The following ERH variants were observed in gnomAD, a reference collection of about 807,000 sequenced individuals.
The protein encoded by ERH is ERH mRNA splicing and mitosis factor.
Under a neutral mutation model 16.8 loss-of-function variants are expected in ERH, and 1 was observed. That is an observed-to-expected ratio of 0.06 (90% CI 0.02 to 0.28). The LOEUF is 0.28. Among genes scored for constraint, ERH ranks in the 10% least tolerant of loss-of-function variants. The probability of loss-of-function intolerance (pLI) is 1.00; values close to 1 mark genes in which losing one functional copy is unlikely to be tolerated. For synonymous variants in ERH, 43 were observed against 43.6 expected, an observed-to-expected ratio of 0.99 and a Z score of 0.05; for missense variants, 42 against 127.5, an observed-to-expected ratio of 0.33 and a Z score of 3.23.
At chr14:69,390,087 T>C (rs982689774) in intron 2 of ERH, among the ~76,000 whole-genome samples, 1 of 152,146 alleles carries the variant, frequency 6.6e-6, no homozygotes, top group Middle Eastern at 3.2e-3. Context: ...CCATGCTTAA[T>C]AAATGGAAAG....
At chr14:69,380,723 G>A (rs1484941395) in intron 3 of ERH, 83 bp from the exon 4 acceptor site, 2 of 728,650 alleles carry the variant, frequency 2.7e-6, no homozygotes, top group Admixed American at 2.2e-5. Context: ...ACTGCCCAAT[G>A]ATGGCATAGA....
At position 69,380,183 on chromosome 14, in the gene ERH, T is replaced by G. The variant is rs950653191; in HGVS notation, c.*355A>C. 5 of 180,312 alleles carry G rather than the reference T, an allele frequency of 2.8e-5. No individual in the cohort carries two copies. The highest frequency in any genetic ancestry group is 4.7e-5 in the African/African-American group (2 of 42,546). 11.2% of individuals were successfully genotyped at this position (180,312 alleles called of 1,614,324 possible). On this transcript the variant is annotated 3_prime_UTR_variant, in exon 4 of 4. Transcript: ENST00000557016. ...CAAGACTTTATCTTGAGGACATGGC[T>G]AAACTGCATTTCCACCCCCCACCCC...
intron 1 of ERH, among the ~76,000 whole-genome samples, chr14:69,396,054 G>T (rs962471175): frequency 6.6e-6 from 1 of 152,192 alleles, no homozygotes; most frequent in Non-Finnish European, 1.5e-5. Flanking sequence ...ATCCAGCTGA[G>T]AATTCACTGG....
Position 69,398,293 on chromosome 14 carries a change from C to A in ERH, c.-60G>T. 1 of 1,612,630 alleles carries A rather than the reference C, an allele frequency of 6.2e-7. No homozygotes were observed. Among genetic ancestry groups the A allele is most frequent in the Non-Finnish European group, 8.5e-7 (1 of 1,179,366 alleles). On this transcript the variant is annotated 5_prime_UTR_variant, in exon 1 of 4. Transcript: ENST00000557016. ...CACCGCCGCCGTTACACGAGCTTAA[C>A]TACAACGCCGCTAACAGCCAATCCT...
intron 2 of ERH, among the ~76,000 whole-genome samples, chr14:69,389,218 G>C (rs1402586182): frequency 6.6e-6 from 1 of 152,076 alleles, no homozygotes; most frequent in Non-Finnish European, 1.5e-5. Flanking sequence ...GTAGAGACGG[G>C]GTTTTGCGAT....
chr14:69,394,744 T>C lies in ERH; in HGVS notation c.91+81A>G, dbSNP rs543091836. 1.0e-4 allele frequency: 97 copies of C among 973,212 alleles called. 1 individual carries two copies. The highest frequency in any genetic ancestry group is 5.7e-4 in the Admixed American group (25 of 43,874). 60.3% of individuals were successfully genotyped at this position (973,212 alleles called of 1,614,324 possible). On this transcript the variant is annotated intron_variant, in intron 2 of 3. Transcript: ENST00000557016. ...GGCAGGGCCTGGGGTGGATGGACTA[T>C]TAAAAAAAAAAAATTTGGAGGGGAA...
chr14:69,387,172 TATC>T, intron 2 of ERH, 89 bp from the exon 3 acceptor site: 3 of 1,036,154 alleles, frequency 2.9e-6, no homozygotes, highest in South Asian at 1.8e-5. Flanking sequence ...TATATGTTGA[TATC>T]ATATTTACTT....
intron 3 of ERH, among the ~76,000 whole-genome samples, chr14:69,381,110 T>C (rs188713328): frequency 4.1e-4 from 63 of 152,234 alleles, no homozygotes; most frequent in African/African-American, 1.4e-3. Flanking sequence ...GGTGAAACCT[T>C]GTCTCTACTA....
chr14:69,389,183 C>T (rs1228858251), intron 2 of ERH, among the ~76,000 whole-genome samples: 1 of 152,132 alleles, frequency 6.6e-6, no homozygotes, highest in Non-Finnish European at 1.5e-5. Context: ...TGTGCCACCA[C>T]ACCCGGCTAA....
At chr14:69,398,094 G>A (rs974947383) in intron 1 of ERH, 137 bp downstream of exon 1, 3 of 1,128,106 alleles carry the variant, frequency 2.7e-6, no homozygotes, top group African/African-American at 3.0e-5. Flanking sequence ...GGGAAGAAGG[G>A]TCAATCCACC....
At chr14:69,393,733 C>T (rs1594889422) in intron 2 of ERH, among the ~76,000 whole-genome samples, 1 of 152,210 alleles carries the variant, frequency 6.6e-6, no homozygotes, top group African/African-American at 2.4e-5. Flanking sequence ...CAATAAAAGC[C>T]CAGACTTGGT....
chr14:69,387,564 T>C (rs1055589340), intron 2 of ERH, among the ~76,000 whole-genome samples: 3 of 152,060 alleles, frequency 2.0e-5, no homozygotes, highest in African/African-American at 7.2e-5. Flanking sequence ...CTATTTTGTG[T>C]CTTAATAATA....
chr14:69,382,443 G>A (rs1291203166), intron 3 of ERH, among the ~76,000 whole-genome samples: 2 of 152,130 alleles, frequency 1.3e-5, no homozygotes, highest in Non-Finnish European at 2.9e-5. Flanking sequence ...TCATATCTGG[G>A]TGGGACAGGC....
At chr14:69,387,488 G>A (rs2045899442) in intron 2 of ERH, among the ~76,000 whole-genome samples, 1 of 152,122 alleles carries the variant, frequency 6.6e-6, no homozygotes, top group Non-Finnish European at 1.5e-5. Flanking sequence ...TGGCTGCAGT[G>A]AGCCGTGATT....
chr14:69,398,120 G>T, intron 1 of ERH, 111 bp downstream of exon 1: 1 of 1,235,352 alleles, frequency 8.1e-7, no homozygotes, highest in Non-Finnish European at 1.1e-6. Flanking sequence ...GAGTGGCGGG[G>T]AGCATCACGC....
rs149772075 is a variant in ERH at position 69,387,308 on chromosome 14, G to A, written c.92-225C>T. ...GTAGTGGCTTACGCCTGTAATCCCA[G>A]CTCTTTGGGAGGCTGAGGCAGGAGC... On this transcript the variant is annotated intron_variant, in intron 2 of 3. Coordinates refer to ENST00000557016, the MANE Select transcript of ERH (RefSeq NM_004450.3). Among the ~76,000 whole-genome samples the A allele has an allele frequency of 3.1e-3, 478 of 152,156 alleles. 4 individuals are homozygous for A. The highest frequency in any genetic ancestry group is 0.011 in the African/African-American group (463 of 41,426).
rs1278831093 is a variant in ERH at position 69,382,789 on chromosome 14, C to CAAAAA, written c.213-2150_213-2149insTTTTT. ...TGGCGACAGTGCAAGACTCTATCTC[C>CAAAAA]AAAAGAAAAAAAAAAAAAAAGCAAT... On this transcript the variant is annotated intron_variant, in intron 3 of 3. Transcript: ENST00000557016. 8.7e-4 allele frequency among the ~76,000 whole-genome samples: 90 copies of CAAAAA among 103,140 alleles called. 1 individual carries two copies. The highest frequency in any genetic ancestry group is 3.3e-3 in the African/African-American group (88 of 27,022). The allele number at this position is 103,140 out of a possible 152,430, so 67.7% of individuals were successfully genotyped here. A position where few individuals can be genotyped will look rare whatever the true frequency, so the allele number is the denominator to read the frequency against.
intron 2 of ERH, among the ~76,000 whole-genome samples, chr14:69,389,948 G>C (rs1236525989): frequency 6.6e-6 from 1 of 152,102 alleles, no homozygotes; most frequent in Non-Finnish European, 1.5e-5. Flanking sequence ...TTGGAGAGCA[G>C]GGGTTTCATC....
intron 2 of ERH, among the ~76,000 whole-genome samples, chr14:69,391,135 CA>C (rs2045921774): frequency 6.6e-6 from 1 of 152,156 alleles, no homozygotes; most frequent in South Asian, 2.1e-4. Context: ...CGTATTTACG[CA>C]AATGAGCTGA....
Sources: gnomAD v4.1 joint callset for allele counts (sites outside exome capture counted in the v4.1 genomes callset) on GRCh38, gnomAD v4.1.1 for gene constraint, MANE v1.5 for transcripts, NCBI Gene and HGNC (gene_info 2026-07-23, HGNC 2026-07-21) for gene names.